Variants in PPP1R16B observed in about 807,000 individuals in gnomAD.
PPP1R16B encodes the protein protein phosphatase 1 regulatory subunit 16B.
Under a neutral mutation model 61.7 loss-of-function variants are expected in PPP1R16B, and 14 were observed. The ratio of observed to expected loss-of-function variants is 0.23; its 90% CI spans 0.15 to 0.35. The LOEUF (loss-of-function observed/expected upper bound fraction) is 0.35, where lower values mean the gene tolerates loss of function less well. Ranked by LOEUF, PPP1R16B falls within the 10% of genes least tolerant of loss-of-function variation. The pLI, the probability that PPP1R16B is intolerant of heterozygous loss-of-function variation, is 1.00. For missense variants in PPP1R16B, 547 were observed against 752.5 expected, an observed-to-expected ratio of 0.73 and a Z score of 3.19; for synonymous variants, 266 against 305.3, an observed-to-expected ratio of 0.87 and a Z score of 1.34.
intron 10 of PPP1R16B, among the ~76,000 whole-genome samples, chr20:38,909,374 T>C (rs1169178154): frequency 1.3e-5 from 2 of 152,236 alleles, no homozygotes; most frequent in African/African-American, 4.8e-5. Context: ...AATCTTAATT[T>C]AATTTATTAC....
intron 1 of PPP1R16B, among the ~76,000 whole-genome samples, chr20:38,834,843 T>A (rs1462906311): frequency 1.3e-5 from 2 of 152,122 alleles, no homozygotes; most frequent in Admixed American, 1.3e-4. Context: ...ATATATAACA[T>A]TTTGATGAAA....
chr20:38,884,650 T>C (rs951106024), intron 2 of PPP1R16B, among the ~76,000 whole-genome samples: 12 of 152,166 alleles, frequency 7.9e-5, no homozygotes, highest in African/African-American at 2.7e-4. Flanking sequence ...AAGGGCACTG[T>C]TGGGGCTGGA....
intron 2 of PPP1R16B, among the ~76,000 whole-genome samples, chr20:38,878,074 T>G (rs1293532616): frequency 6.6e-6 from 1 of 151,802 alleles, no homozygotes; most frequent in Non-Finnish European, 1.5e-5. Context: ...CTTCGTGATT[T>G]GTGGCATTTA....
At chr20:38,896,601 A>G (rs1252720438) in intron 4 of PPP1R16B, among the ~76,000 whole-genome samples, 1 of 151,770 alleles carries the variant, frequency 6.6e-6, no homozygotes, top group Non-Finnish European at 1.5e-5. Flanking sequence ...AATTTTTTAT[A>G]GTGATAAAAC....
intron 10 of PPP1R16B, among the ~76,000 whole-genome samples, chr20:38,909,610 G>A (rs2085473076): frequency 6.6e-6 from 1 of 152,298 alleles, no homozygotes; most frequent in African/African-American, 2.4e-5. Flanking sequence ...ACTACACCAC[G>A]AACAGATGAA....
At chr20:38,827,613 T>C (rs2084812649) in intron 1 of PPP1R16B, among the ~76,000 whole-genome samples, 1 of 152,152 alleles carries the variant, frequency 6.6e-6, no homozygotes. Flanking sequence ...AGGAGATCTG[T>C]CTATGATGGC....
intron 1 of PPP1R16B, among the ~76,000 whole-genome samples, chr20:38,816,511 C>A (rs994387082): frequency 2.6e-5 from 4 of 152,148 alleles, no homozygotes; most frequent in Non-Finnish European, 5.9e-5. Context: ...TGTAAAGGGA[C>A]CTCCTTCTCA....
At chr20:38,910,525 A>G (rs1249777394) in intron 10 of PPP1R16B, among the ~76,000 whole-genome samples, 1 of 149,456 alleles carries the variant, frequency 6.7e-6, no homozygotes, top group African/African-American at 2.5e-5. Flanking sequence ...GGCATATAGC[A>G]GTAGTTTTTT....
intron 2 of PPP1R16B, among the ~76,000 whole-genome samples, chr20:38,847,938 C>A (rs1024664123): frequency 3.3e-5 from 5 of 151,898 alleles, no homozygotes; most frequent in Non-Finnish European, 7.4e-5. Context: ...TTTTTAAAAT[C>A]ATTTTATTTT....
chr20:38,845,653 C>T (rs2084931982), intron 2 of PPP1R16B, among the ~76,000 whole-genome samples: 1 of 151,668 alleles, frequency 6.6e-6, no homozygotes, highest in African/African-American at 2.4e-5. Flanking sequence ...ACAGGGTTGG[C>T]GTGTTTGAAG....
chr20:38,808,502 T>C (rs1049707398), intron 1 of PPP1R16B, among the ~76,000 whole-genome samples: 8 of 152,250 alleles, frequency 5.3e-5, no homozygotes, highest in African/African-American at 7.2e-5. Context: ...ATCTTAGCAA[T>C]TGGGCTTCAA....
chr20:38,885,449 G>A (rs1046368880), intron 2 of PPP1R16B, among the ~76,000 whole-genome samples: 1 of 152,210 alleles, frequency 6.6e-6, no homozygotes, highest in South Asian at 2.1e-4. Flanking sequence ...GGTCACTGCT[G>A]TCCATTTCCC....
intron 10 of PPP1R16B, among the ~76,000 whole-genome samples, chr20:38,916,434 A>G (rs947186689): frequency 1.3e-5 from 2 of 149,526 alleles, no homozygotes; most frequent in Non-Finnish European, 3.0e-5. Flanking sequence ...AGAAAACTAG[A>G]TTATAAACTA....
chr20:38,902,742 A>G lies in PPP1R16B; in HGVS notation c.646A>G (p.Ile216Val). 2 of 1,614,236 alleles carry G rather than the reference A, an allele frequency of 1.2e-6. No individual in the cohort carries two copies. The highest frequency in any genetic ancestry group is 1.7e-6 in the Non-Finnish European group (2 of 1,180,048). ...QQMIADIHCM[I>V]AAGQDLDWID... ...GATGATTGCGGACATCCACTGCATG[A>G]TCGCAGCGGGCCAGGACCTGGACTG... Residue 216 changes from isoleucine to valine, a missense_variant, in exon 6 of 11, where the codon ATC becomes GTC. Transcript: ENST00000299824.
chr20:38,847,155 T>A (rs1225804859), intron 2 of PPP1R16B, among the ~76,000 whole-genome samples: 3 of 152,242 alleles, frequency 2.0e-5, no homozygotes, highest in African/African-American at 7.2e-5. Flanking sequence ...TGTGTATCCA[T>A]CCCTGCTATC....
chr20:38,909,357 A>G (rs2085470967), intron 10 of PPP1R16B, among the ~76,000 whole-genome samples: 1 of 152,224 alleles, frequency 6.6e-6, no homozygotes, highest in Non-Finnish European at 1.5e-5. Flanking sequence ...CCAATCCAGT[A>G]TGACCTAATC....
chr20:38,907,168 A>G lies in PPP1R16B; in HGVS notation c.898+114A>G, dbSNP rs1397075749. The G allele has an allele frequency of 2.5e-6, 2 of 811,388 alleles. No individual in the cohort carries two copies. The highest frequency in any genetic ancestry group is 4.1e-6 in the Non-Finnish European group (2 of 487,240). The allele number at this position is 811,388 out of a possible 1,614,324, so 50.3% of individuals were successfully genotyped here. On this transcript the variant is annotated intron_variant, in intron 8 of 10. Transcript: ENST00000299824. This position sits in a 1 kb window ranked among gnomAD's most constrained non-coding sequence, Gnocchi z 4.5. The stretch of plus-strand genomic sequence containing the variant: ...TATAGATTGATGGATTGGTGTCTAG[A>G]TAGATAGATGGATTAATTAATGGAT...
At chr20:38,911,367 C>T (rs562767878) in intron 10 of PPP1R16B, among the ~76,000 whole-genome samples, 3 of 144,466 alleles carry the variant, frequency 2.1e-5, no homozygotes, top group African/African-American at 7.8e-5. Flanking sequence ...GGGGTTTCAC[C>T]GTGTTAGCCA....
At chr20:38,861,044 T>G (rs2085046592) in intron 2 of PPP1R16B, among the ~76,000 whole-genome samples, 3 of 152,200 alleles carry the variant, frequency 2.0e-5, no homozygotes, top group African/African-American at 7.2e-5. Context: ...CTCTTCAGTC[T>G]CTTATGCTCC....
Sources: allele counts gnomAD v4.1 joint callset (sites outside exome capture counted in the v4.1 genomes callset), GRCh38; gene constraint gnomAD v4.1.1; non-coding constraint Gnocchi (gnomAD v3.1); transcripts MANE v1.5; gene names NCBI Gene and HGNC (gene_info 2026-07-23, HGNC 2026-07-21).